ZFHX3: variants seen among roughly 807,000 people sequenced by gnomAD.
ZFHX3 encodes zinc finger homeobox 3.
A neutral mutation model predicts 279.1 loss-of-function variants in ZFHX3; 42 were observed. The observed-to-expected ratio is 0.15, with a 90% CI of 0.12 to 0.19. The LOEUF (loss-of-function observed/expected upper bound fraction) is 0.19. ZFHX3 is among the 10% of genes least tolerant of loss of function. ZFHX3 has a pLI of 1.00. For synonymous variants in ZFHX3, 2,293 were observed against 1,957.8 expected (o/e 1.17, Z -4.52); for missense variants, 4,981 against 4,754.0 (o/e 1.05, Z -1.40).
intron 4 of ZFHX3, among the ~76,000 whole-genome samples, chr16:72,862,499 G>C (rs1597321799): frequency 6.6e-6 from 1 of 152,326 alleles, no homozygotes; most frequent in East Asian, 1.9e-4. Context: ...AGAAATAATA[G>C]AATGAGAATA....
At chr16:73,724,674 C>G (rs568895271) in intron 1 of ZFHX3, among the ~76,000 whole-genome samples, 9 of 152,296 alleles carry the variant, frequency 5.9e-5, no homozygotes, top group Non-Finnish European at 1.0e-4. Context: ...AGAAGCTAGC[C>G]CCAAATTCCT....
At chr16:73,162,045 T>C (rs1419835705) in intron 5 of ZFHX3, among the ~76,000 whole-genome samples, 1 of 152,194 alleles carries the variant, frequency 6.6e-6, no homozygotes, top group Non-Finnish European at 1.5e-5. Context: ...GTGTGATGCA[T>C]AAAGAATGCT....
chr16:73,732,653 T>A (rs1278155292), intron 1 of ZFHX3, among the ~76,000 whole-genome samples: 1 of 152,244 alleles, frequency 6.6e-6, no homozygotes, highest in Non-Finnish European at 1.5e-5. Flanking sequence ...AATTCACAGT[T>A]AAATCTGAAA....
chr16:73,358,508 C>T (rs539672005), intron 3 of ZFHX3, among the ~76,000 whole-genome samples: 7 of 152,310 alleles, frequency 4.6e-5, no homozygotes, highest in South Asian at 4.1e-4. Context: ...GAGATGATGG[C>T]GGCCCTGGCT....
At chr16:72,997,717 C>T (rs1597071275) in intron 1 of ZFHX3, among the ~76,000 whole-genome samples, 1 of 152,302 alleles carries the variant, frequency 6.6e-6, no homozygotes, top group South Asian at 2.1e-4. Flanking sequence ...AACCATCTTT[C>T]ATGTAAATCC....
Position 73,757,203 on chromosome 16 carries a change from C to G in ZFHX3, c.-1607-76963G>C, listed in dbSNP as rs142448827. ...GGAGGGAAGGGTTGCCTGTAACATG[C>G]AGAGGACAGAGAAACAAAGAGCAGA... On this transcript the variant is annotated intron_variant, in intron 1 of 17. Coordinates refer to the ZFHX3 transcript ENST00000641206. Among the ~76,000 whole-genome samples, 695 of 152,222 alleles carry G rather than the reference C, an allele frequency of 4.6e-3. 2 individuals are homozygous for G. The highest frequency in any genetic ancestry group is 0.016 in the African/African-American group (653 of 41,528).
chr16:73,097,805 A>G (rs1162581152), intron 7 of ZFHX3, among the ~76,000 whole-genome samples: 1 of 152,200 alleles, frequency 6.6e-6, no homozygotes, highest in African/African-American at 2.4e-5. Flanking sequence ...TATTCTGAAC[A>G]TTTCACATAA....
In ZFHX3 at chr16:72,798,087, T is replaced by C. The variant is rs374743360; in HGVS notation, c.4595A>G (p.Asn1532Ser). Residue 1532 changes from asparagine to serine, a missense_variant, in exon 9 of 10, where the codon AAT becomes AGT. By Grantham distance (46) the Asn-to-Ser change is conservative. Around this residue, in one of 7 missense-constraint regions of ZFHX3, gnomAD observed 1,751 missense variants for 1,770.0 expected, o/e 0.99. Coordinates refer to ENST00000268489, the MANE Select transcript of ZFHX3 (RefSeq NM_006885.4). ...KRALPFRKGP[N>S]FTMEKFLDPS... ...GTCTAGGAACTTTTCCATAGTAAAATTGGGACCTTTTCTGAAAGGCAGAGC... is the reference window on the plus strand; with the variant it reads ...GTCTAGGAACTTTTCCATAGTAAAACTGGGACCTTTTCTGAAAGGCAGAGC... The C allele has an allele frequency of 1.6e-5, 26 of 1,614,086 alleles. No individual in the cohort carries two copies. Among genetic ancestry groups the C allele is most frequent in the Admixed American group, 1.0e-4 (6 of 60,000 alleles).
At chr16:73,117,013 C>G (rs1966440162) in intron 7 of ZFHX3, among the ~76,000 whole-genome samples, 1 of 152,170 alleles carries the variant, frequency 6.6e-6, no homozygotes, top group African/African-American at 2.4e-5. Context: ...TCTGCCTACC[C>G]AAGGCTATTG....
intron 4 of ZFHX3, among the ~76,000 whole-genome samples, chr16:73,312,399 A>G (rs1053122123): frequency 6.6e-6 from 1 of 152,200 alleles, no homozygotes; most frequent in Non-Finnish European, 1.5e-5. Flanking sequence ...AAGAAAAAAA[A>G]AAACTCTTCT....
intron 1 of ZFHX3, among the ~76,000 whole-genome samples, chr16:73,693,114 A>G (rs1042687264): frequency 2.0e-5 from 3 of 152,212 alleles, no homozygotes; most frequent in Non-Finnish European, 4.4e-5. Flanking sequence ...CTTGGCAATC[A>G]GGAAAAACAA....
intron 1 of ZFHX3, among the ~76,000 whole-genome samples, chr16:73,055,211 G>T (rs1361735526): frequency 6.6e-6 from 1 of 151,854 alleles, no homozygotes; most frequent in Non-Finnish European, 1.5e-5. Context: ...TTTGTAACCG[G>T]ATCTAGAGAC....
intron 3 of ZFHX3, among the ~76,000 whole-genome samples, chr16:73,438,064 G>C (rs1031698669): frequency 2.0e-5 from 3 of 151,690 alleles, no homozygotes; most frequent in African/African-American, 7.3e-5. Context: ...AAGTGGTTCT[G>C]GGATCGCTCT....
intron 5 of ZFHX3, among the ~76,000 whole-genome samples, chr16:73,223,751 C>A (rs13330512): frequency 0.014 from 2,074 of 152,266 alleles, 47 homozygotes; most frequent in African/African-American, 0.046. Context: ...AACCTGCACA[C>A]AGATGTTTAT....
chr16:73,391,514 T>C (rs1253088280), intron 3 of ZFHX3, among the ~76,000 whole-genome samples: 1 of 152,180 alleles, frequency 6.6e-6, no homozygotes, highest in Non-Finnish European at 1.5e-5. Context: ...GCTGTGCTGC[T>C]TGTGCCAAAA....
intron 3 of ZFHX3, chr16:73,389,353 C>T (rs2016965017): frequency 6.6e-6 from 1 of 152,218 alleles, no homozygotes; most frequent in South Asian, 2.1e-4. Context: ...TATTTGCTCA[C>T]TGGCACATTA....
chr16:72,859,586 G>A (rs1381698400), intron 4 of ZFHX3, among the ~76,000 whole-genome samples: 1 of 152,154 alleles, frequency 6.6e-6, no homozygotes, highest in Non-Finnish European at 1.5e-5. Context: ...AGACGTTTAG[G>A]GATTTGAAAT....
At chr16:73,748,807 G>A (rs902345576) in intron 1 of ZFHX3, among the ~76,000 whole-genome samples, 1 of 151,936 alleles carries the variant, frequency 6.6e-6, no homozygotes, top group Non-Finnish European at 1.5e-5. Context: ...TTATTTTTGA[G>A]ACAGAGTTTT....
chr16:73,446,820 T>C (rs150304601), intron 3 of ZFHX3, among the ~76,000 whole-genome samples: 1 of 152,042 alleles, frequency 6.6e-6, no homozygotes, highest in African/African-American at 2.4e-5. Flanking sequence ...ATAATCTGTA[T>C]AACAAACCCC....
Sources: allele counts gnomAD v4.1 joint callset (sites outside exome capture counted in the v4.1 genomes callset), GRCh38; gene constraint gnomAD v4.1.1; regional missense constraint gnomAD v4.1.1; transcripts MANE v1.5; gene names NCBI Gene and HGNC (gene_info 2026-07-23, HGNC 2026-07-21).